MARCHF1: variants seen among roughly 807,000 people sequenced by gnomAD.
The protein encoded by MARCHF1 is membrane associated ring-CH-type finger 1.
Under a neutral mutation model 54.2 loss-of-function variants are expected in MARCHF1, and 40 were observed. The ratio of observed to expected loss-of-function variants is 0.74; its 90% CI spans 0.57 to 0.96. MARCHF1 has a LOEUF of 0.96. Ranked by LOEUF, MARCHF1 falls within the 40% of genes least tolerant of loss-of-function variation. The pLI, the probability that MARCHF1 is intolerant of heterozygous loss-of-function variation, is 0.00. For synonymous variants in MARCHF1, 236 were observed against 236.3 expected (o/e 1.00, Z 0.01); for missense variants, 586 against 656.5 (o/e 0.89, Z 1.17).
chr4:164,281,579 C>T (rs1560986263), intron 1 of MARCHF1, among the ~76,000 whole-genome samples: 1 of 152,034 alleles, frequency 6.6e-6, no homozygotes, highest in Non-Finnish European at 1.5e-5. Context: ...TGTGTACAGA[C>T]CAGAGGCAAG....
At chr4:163,643,261 G>T (rs1015672867) in intron 5 of MARCHF1, among the ~76,000 whole-genome samples, 1 of 151,708 alleles carries the variant, frequency 6.6e-6, no homozygotes, top group Non-Finnish European at 1.5e-5. Context: ...CTGGGAGGCG[G>T]AGGTTGCAGT....
intron 2 of MARCHF1, among the ~76,000 whole-genome samples, chr4:164,002,249 TAAG>T (rs1304420028): frequency 2.0e-5 from 3 of 151,648 alleles, no homozygotes; most frequent in Non-Finnish European, 3.0e-5. Context: ...TAATCACGAT[TAAG>T]GTCAGTGATG....
At chr4:164,240,063 C>A (rs1028348289) in intron 1 of MARCHF1, among the ~76,000 whole-genome samples, 5 of 152,116 alleles carry the variant, frequency 3.3e-5, no homozygotes, top group African/African-American at 4.8e-5. Flanking sequence ...TTGACATAAA[C>A]TGGACAAATG....
chr4:164,301,430 A>G (rs1734558815), intron 1 of MARCHF1, among the ~76,000 whole-genome samples: 1 of 152,264 alleles, frequency 6.6e-6, no homozygotes, highest in African/African-American at 2.4e-5. Context: ...GGCTGTCTTA[A>G]GAAGGCAGGT....
At chr4:163,954,722 G>T (rs1046420329) in intron 3 of MARCHF1, among the ~76,000 whole-genome samples, 4 of 152,136 alleles carry the variant, frequency 2.6e-5, no homozygotes, top group African/African-American at 9.7e-5. Flanking sequence ...TGGGGATCTT[G>T]TTACAAATTC....
intron 3 of MARCHF1, chr4:163,932,619 G>A (rs764792675): frequency 7.1e-6 from 3 of 421,554 alleles, no homozygotes; most frequent in South Asian, 1.9e-5. Flanking sequence ...GCAGGGCACC[G>A]AGCTGTCCTA....
At chr4:164,177,348 C>T (rs1468753474) in intron 1 of MARCHF1, among the ~76,000 whole-genome samples, 3 of 151,860 alleles carry the variant, frequency 2.0e-5, no homozygotes, top group African/African-American at 7.3e-5. Flanking sequence ...AGTAATTTAC[C>T]AAAATCACAC....
chr4:164,081,135 G>C (rs1231285241), intron 2 of MARCHF1, among the ~76,000 whole-genome samples: 1 of 137,148 alleles, frequency 7.3e-6, no homozygotes, highest in Non-Finnish European at 1.5e-5. Context: ...GTGAACCCAG[G>C]AGGCGGAGCT....
intron 1 of MARCHF1, among the ~76,000 whole-genome samples, chr4:164,202,308 C>G (rs992157994): frequency 1.3e-5 from 2 of 152,088 alleles, no homozygotes; most frequent in African/African-American, 4.8e-5. Flanking sequence ...TATACCAAAA[C>G]CCAAAAGTGA....
chr4:163,979,642 T>C (rs894569224), intron 3 of MARCHF1, among the ~76,000 whole-genome samples: 27 of 151,964 alleles, frequency 1.8e-4, no homozygotes, highest in African/African-American at 5.8e-4. Flanking sequence ...CCACCAACAA[T>C]GTACAAGTGT....
intron 1 of MARCHF1, among the ~76,000 whole-genome samples, chr4:164,181,665 A>G (rs1352916649): frequency 1.3e-5 from 2 of 152,214 alleles, no homozygotes; most frequent in African/African-American, 4.8e-5. Context: ...GAAGGTGATT[A>G]TATTTTTAGT....
At chr4:163,757,313 G>GA (rs543883249) in intron 4 of MARCHF1, among the ~76,000 whole-genome samples, 187 of 152,196 alleles carry the variant, frequency 1.2e-3, no homozygotes, top group African/African-American at 4.4e-3. Context: ...GTGAAACTAG[G>GA]AAAAAACCAG....
chr4:164,164,571 G>A (rs1054289479), intron 1 of MARCHF1, among the ~76,000 whole-genome samples: 1 of 151,990 alleles, frequency 6.6e-6, no homozygotes, highest in Non-Finnish European at 1.5e-5. Flanking sequence ...ACAAAGAAAT[G>A]CTGAATGTTC....
intron 8 of MARCHF1, among the ~76,000 whole-genome samples, chr4:163,562,522 C>A (rs1352737119): frequency 6.6e-6 from 1 of 152,094 alleles, no homozygotes; most frequent in African/African-American, 2.4e-5. Context: ...TTCTCTTTTG[C>A]TCCTCTTCTC....
intron 1 of MARCHF1, among the ~76,000 whole-genome samples, chr4:164,223,718 C>G (rs1253245005): frequency 6.6e-6 from 1 of 151,738 alleles, no homozygotes; most frequent in Admixed American, 6.6e-5. Flanking sequence ...CAAATCCTTA[C>G]TGTCTTTGCT....
chr4:163,730,034 AC>A (rs1745781012), intron 4 of MARCHF1, among the ~76,000 whole-genome samples: 1 of 151,908 alleles, frequency 6.6e-6, no homozygotes, highest in South Asian at 2.1e-4. Context: ...GTGTAGGTCC[AC>A]TTGATGGTGT....
chr4:163,723,756 C>T (rs989677025), intron 4 of MARCHF1, among the ~76,000 whole-genome samples: 11 of 152,158 alleles, frequency 7.2e-5, no homozygotes, highest in African/African-American at 9.7e-5. Flanking sequence ...CTTCTCTTCT[C>T]GCTTCATTTC....
chr4:163,849,920 G>A (rs1020186673), intron 4 of MARCHF1, among the ~76,000 whole-genome samples: 7 of 151,976 alleles, frequency 4.6e-5, no homozygotes, highest in South Asian at 4.2e-4. Context: ...ATTACCTCTC[G>A]GCCCTAAACC....
intron 1 of MARCHF1, among the ~76,000 whole-genome samples, chr4:164,280,566 T>C (rs1734002461): frequency 6.6e-6 from 1 of 152,076 alleles, no homozygotes; most frequent in Non-Finnish European, 1.5e-5. Flanking sequence ...AAACTCCAGA[T>C]GGATTATAGA....
Sources: gnomAD v4.1 joint callset for allele counts (sites outside exome capture counted in the v4.1 genomes callset) on GRCh38, gnomAD v4.1.1 for gene constraint, MANE v1.5 for transcripts, NCBI Gene and HGNC (gene_info 2026-07-23, HGNC 2026-07-21) for gene names.